The following SPIN1 variants were observed in gnomAD, a reference collection of about 807,000 sequenced individuals.
The protein encoded by SPIN1 is spindlin-1.
A neutral mutation model predicts 26.0 loss-of-function variants in SPIN1; 3 were observed. The ratio of observed to expected loss-of-function variants is 0.12; its 90% CI spans 0.05 to 0.30. The LOEUF (loss-of-function observed/expected upper bound fraction) is 0.30, where lower values mean the gene tolerates loss of function less well. Among genes scored for constraint, SPIN1 ranks in the 10% least tolerant of loss-of-function variants. The pLI, the probability that SPIN1 is intolerant of heterozygous loss-of-function variation, is 1.00. For missense variants in SPIN1, 126 were observed against 333.4 expected, an observed-to-expected ratio of 0.38 and a Z score of 4.84; for synonymous variants, 101 against 116.5, an observed-to-expected ratio of 0.87 and a Z score of 0.86.
At chr9:88,417,363 C>G (rs925242919) in intron 1 of SPIN1, among the ~76,000 whole-genome samples, 2 of 152,154 alleles carry the variant, frequency 1.3e-5, no homozygotes, top group African/African-American at 4.8e-5. Flanking sequence ...AGTTGGTTGT[C>G]CTACAGTTTA....
intron 2 of SPIN1, among the ~76,000 whole-genome samples, chr9:88,434,949 G>A (rs1827969970): frequency 6.6e-6 from 1 of 151,878 alleles, no homozygotes; most frequent in African/African-American, 2.4e-5. Flanking sequence ...CTACTTGGGA[G>A]GCTGAGGCGG....
At chr9:88,425,750 C>A (rs1827753223) in intron 1 of SPIN1, among the ~76,000 whole-genome samples, 1 of 151,800 alleles carries the variant, frequency 6.6e-6, no homozygotes, top group Non-Finnish European at 1.5e-5. Flanking sequence ...GTCTTTGAGG[C>A]TCCGCTGAAA....
chr9:88,427,509 G>A (rs1398800170), intron 2 of SPIN1, among the ~76,000 whole-genome samples: 1 of 152,184 alleles, frequency 6.6e-6, no homozygotes, highest in Non-Finnish European at 1.5e-5. Context: ...AATCCTAGCC[G>A]TTATTAGCTG....
chr9:88,444,423 C>T (rs1828202602), intron 2 of SPIN1, among the ~76,000 whole-genome samples: 2 of 150,682 alleles, frequency 1.3e-5, no homozygotes, highest in Non-Finnish European at 3.0e-5. Flanking sequence ...TTTGTATTTT[C>T]TAGTAGAGAC....
intron 1 of SPIN1, among the ~76,000 whole-genome samples, chr9:88,397,633 T>A (rs1395450207): frequency 2.0e-5 from 3 of 151,954 alleles, no homozygotes; most frequent in Non-Finnish European, 4.4e-5. Context: ...TGAAGTGTTT[T>A]TTTTTTTTTC....
intron 3 of SPIN1, 89 bp downstream of exon 3, chr9:88,449,078 T>G: frequency 7.9e-7 from 1 of 1,266,816 alleles, no homozygotes; most frequent in Non-Finnish European, 1.1e-6. Flanking sequence ...CCTCCTCCCC[T>G]GTGATCGAGG....
chr9:88,406,234 G>C (rs977348071), intron 1 of SPIN1, among the ~76,000 whole-genome samples: 1 of 151,486 alleles, frequency 6.6e-6, no homozygotes, highest in Admixed American at 6.6e-5. Context: ...ATGTCTCTGT[G>C]TGGGGCATGA....
chr9:88,434,545 CTG>C (rs1827961241), intron 2 of SPIN1, among the ~76,000 whole-genome samples: 1 of 152,094 alleles, frequency 6.6e-6, no homozygotes, highest in East Asian at 1.9e-4. Context: ...TGGTGACAAA[CTG>C]ATAACAGTAT....
intron 3 of SPIN1, chr9:88,457,844 A>T: frequency 1.0e-6 from 1 of 984,026 alleles, no homozygotes; most frequent in African/African-American, 1.7e-5. Context: ...AATACTACGC[A>T]AAAAGCAACC....
chr9:88,440,745 A>G (rs764141632), intron 2 of SPIN1, among the ~76,000 whole-genome samples: 1 of 150,778 alleles, frequency 6.6e-6, no homozygotes, highest in African/African-American at 2.5e-5. Context: ...ACGCCAAGCT[A>G]TTTCTTGTAT....
Position 88,410,384 on chromosome 9 carries a change from C to T in SPIN1, c.-158-15998C>T, listed in dbSNP as rs144197120. On this transcript the variant is annotated intron_variant, in intron 1 of 5. Coordinates refer to ENST00000375859, the MANE Select transcript of SPIN1 (RefSeq NM_006717.3). ...AGTCCTCGAGTTTTTTGCCCATATA[C>T]ATGAGTATTTGTCTAAAACATGTCT... 544 of 502,406 alleles carry T rather than the reference C, an allele frequency of 1.1e-3. 3 individuals carry two copies. Among genetic ancestry groups the T allele is most frequent in the African/African-American group, 9.4e-3 (483 of 51,366 alleles). The allele number at this position is 502,406 out of a possible 1,614,324, so 31.1% of individuals were successfully genotyped here.
chr9:88,408,981 T>TTG (rs148808911), intron 1 of SPIN1, among the ~76,000 whole-genome samples: 5,795 of 136,610 alleles, frequency 0.042, 152 homozygotes, highest in African/African-American at 0.069. Flanking sequence ...TTGTGTGTGT[T>TTG]TGTGTGTGTG....
At chr9:88,416,882 C>G (rs1827576712) in intron 1 of SPIN1, 1 of 152,270 alleles carries the variant, frequency 6.6e-6, no homozygotes, top group Non-Finnish European at 1.5e-5. Context: ...CTCAGCCTCC[C>G]AAAGTGCTGG....
intron 1 of SPIN1, among the ~76,000 whole-genome samples, chr9:88,399,250 T>G (rs1213273511): frequency 6.6e-6 from 1 of 151,940 alleles, no homozygotes; most frequent in Non-Finnish European, 1.5e-5. Flanking sequence ...GCCAGGCTGG[T>G]CTTGAACTCC....
At chr9:88,437,557 G>A (rs1166527668) in intron 2 of SPIN1, among the ~76,000 whole-genome samples, 1 of 151,842 alleles carries the variant, frequency 6.6e-6, no homozygotes, top group East Asian at 1.9e-4. Flanking sequence ...ATATATATCT[G>A]TGTGCAGATT....
chr9:88,454,493 GT>G (rs1230037375), intron 3 of SPIN1, among the ~76,000 whole-genome samples: 3 of 151,778 alleles, frequency 2.0e-5, no homozygotes, highest in Admixed American at 6.6e-5. Flanking sequence ...TATTAATAGT[GT>G]TTTTTTAATT....
intron 1 of SPIN1, among the ~76,000 whole-genome samples, chr9:88,412,166 G>A (rs1033325599): frequency 3.3e-5 from 5 of 151,980 alleles, no homozygotes; most frequent in African/African-American, 4.8e-5. Context: ...GTGACTGAGC[G>A]AGACTGCATC....
chr9:88,448,594 T>TGA (rs1253357582), intron 2 of SPIN1, among the ~76,000 whole-genome samples: 2 of 152,114 alleles, frequency 1.3e-5, no homozygotes, highest in Admixed American at 1.3e-4. Flanking sequence ...GCCACCCTCC[T>TGA]GCCTTAGCCT....
intron 1 of SPIN1, chr9:88,410,887 G>C: frequency 2.1e-6 from 2 of 968,920 alleles, no homozygotes; most frequent in South Asian, 1.3e-5. Context: ...AGCTTCTTTG[G>C]CTGGATGAAG....
Sources: allele counts gnomAD v4.1 joint callset (sites outside exome capture counted in the v4.1 genomes callset), GRCh38; gene constraint gnomAD v4.1.1; transcripts MANE v1.5; gene names NCBI Gene and HGNC (gene_info 2026-07-23, HGNC 2026-07-21).